The following HEPH variants were observed in gnomAD, a reference collection of about 807,000 sequenced individuals.
HEPH encodes hephaestin.
A neutral mutation model predicts 80.8 loss-of-function variants in HEPH; 69 were observed. That is an observed-to-expected ratio of 0.85 (90% CI 0.70 to 1.04). The LOEUF (loss-of-function observed/expected upper bound fraction) is 1.04. Among genes scored for constraint, HEPH ranks in the 50% least tolerant of loss-of-function variants. HEPH has a pLI of 0.00. For synonymous variants in HEPH, 431 were observed against 322.8 expected, an observed-to-expected ratio of 1.34 and a Z score of -3.60; for missense variants, 1,115 against 891.3, an observed-to-expected ratio of 1.25 and a Z score of -3.20.
intron 15 of HEPH, among the ~76,000 whole-genome samples, chrX:66,251,845 A>T (rs1197286648): frequency 1.8e-5 from 2 of 112,276 alleles, no homozygotes; most frequent in Non-Finnish European, 3.8e-5. Context: ...ATAAAGAATG[A>T]TAAGTAAGAT....
At chrX:66,239,432 CTG>C (rs1418750001) in intron 15 of HEPH, among the ~76,000 whole-genome samples, 3 of 112,241 alleles carry the variant, frequency 2.7e-5, no homozygotes, top group Non-Finnish European at 3.8e-5. Context: ...TCAGTGGCAT[CTG>C]TTCCACCTGG....
intron 6 of HEPH, among the ~76,000 whole-genome samples, chrX:66,191,920 A>T (rs2087812037): frequency 9.0e-6 from 1 of 111,507 alleles, no homozygotes; most frequent in Non-Finnish European, 1.9e-5. Context: ...CAGTGGTGGT[A>T]TAAGCAAGTG....
At chrX:66,224,948 G>A (rs1430918747) in intron 15 of HEPH, among the ~76,000 whole-genome samples, 1 of 107,118 alleles carries the variant, frequency 9.3e-6, no homozygotes, top group Non-Finnish European at 1.9e-5. Context: ...TCTCTCTGCT[G>A]ATCTTTCCTT....
In HEPH at chrX:66,266,430, TCCA is replaced by T. The variant is rs1602595655; in HGVS notation, c.3245-9_3245-7del. 5.0e-5 allele frequency: 59 copies of T among 1,188,768 alleles called. No individual in the cohort carries two copies. Among genetic ancestry groups the T allele is most frequent in the Admixed American group, 2.0e-4 (9 of 45,068 alleles). On this transcript the variant is annotated splice_region_variant and splice_polypyrimidine_tract_variant and intron_variant, in intron 20 of 20. Transcript: ENST00000343002. ...TCCCAGGATGCCCATTTTTTTTTTCTCCATTTCAGCAGTGCCCCCCAGAGACAT... is the reference window on the plus strand; with the variant it reads ...TCCCAGGATGCCCATTTTTTTTTTCTTTTCAGCAGTGCCCCCCAGAGACAT...
At chrX:66,238,071 G>A (rs984374976) in intron 15 of HEPH, among the ~76,000 whole-genome samples, 1 of 111,538 alleles carries the variant, frequency 9.0e-6, no homozygotes, top group Admixed American at 9.5e-5. Flanking sequence ...TCCTTACGCA[G>A]CTTGCCACTT....
At chrX:66,211,675 TC>T (rs1382249084) in intron 15 of HEPH, among the ~76,000 whole-genome samples, 2 of 111,995 alleles carry the variant, frequency 1.8e-5, no homozygotes, top group Non-Finnish European at 3.8e-5. Flanking sequence ...ATGATTTCAT[TC>T]TTTTTTATGG....
At chrX:66,254,701 T>C (rs769078785) in intron 15 of HEPH, among the ~76,000 whole-genome samples, 1 of 109,268 alleles carries the variant, frequency 9.2e-6, no homozygotes, top group South Asian at 4.0e-4. Flanking sequence ...ATTTAGGATA[T>C]AGCAGCTGGA....
rs752387063 is a variant in HEPH at position 66,170,600 on chromosome X, G to A, written c.30G>A (p.Leu10=). Residue 10 remains leucine, a synonymous_variant, in exon 2 of 21, where the codon CTG becomes CTA. Transcript: ENST00000343002. MESGHLLWA[L]LFMQSLWPQL... is the part of the protein sequence containing the mutation. ...AGTCAGGCCACCTCCTCTGGGCTCT[G>A]CTGTTCATGCAGTCCTTGTGGCCTC... 1.7e-6 allele frequency: 2 copies of A among 1,208,704 alleles called. No individual in the cohort carries two copies. Among genetic ancestry groups the A allele is most frequent in the East Asian group, 5.9e-5 (2 of 33,761 alleles).
At chrX:66,214,909 TCTTA>T (rs1456907043) in intron 15 of HEPH, among the ~76,000 whole-genome samples, 4 of 111,473 alleles carry the variant, frequency 3.6e-5, no homozygotes, top group Non-Finnish European at 7.5e-5. Flanking sequence ...TTGAAATTTG[TCTTA>T]CTATTTGAAG....
intron 15 of HEPH, among the ~76,000 whole-genome samples, chrX:66,230,380 A>C (rs1368203241): frequency 3.8e-5 from 4 of 104,001 alleles, no homozygotes; most frequent in African/African-American, 1.1e-4. Context: ...GAACTAGTTT[A>C]CAGTCCCACC....
In HEPH at chrX:66,203,318, C is replaced by T. The variant is rs751551947; in HGVS notation, c.2078-46C>T. ...AAGGCAGGAAATCCCCCAGGCACTA[C>T]CCAGGGATGTTCTGAGTCAGATTTT... On this transcript the variant is annotated intron_variant, in intron 12 of 20. Coordinates refer to ENST00000343002, the MANE Select transcript of HEPH (RefSeq NM_001367233.3). 3.6e-6 allele frequency: 4 copies of T among 1,121,066 alleles called. No homozygotes were observed. The Admixed American group carries it at 6.6e-5, about 19-fold the overall frequency. The allele number at this position is 1,121,066 out of a possible 1,213,427, so 92.4% of individuals were successfully genotyped here.
At chrX:66,240,759 C>A (rs1301687536) in intron 15 of HEPH, among the ~76,000 whole-genome samples, 1 of 111,992 alleles carries the variant, frequency 8.9e-6, no homozygotes, top group Non-Finnish European at 1.9e-5. Flanking sequence ...AAAGAAAACA[C>A]AAACAACATT....
chrX:66,170,827 T>A (rs1034508237), intron 2 of HEPH, 90 bp downstream of exon 2: 1 of 809,759 alleles, frequency 1.2e-6, no homozygotes, highest in African/African-American at 2.1e-5. Context: ...TTTCCCAGGG[T>A]GTGGTAGCAG....
chrX:66,204,727 C>G (rs1387636387), intron 13 of HEPH, among the ~76,000 whole-genome samples: 2 of 111,826 alleles, frequency 1.8e-5, no homozygotes, highest in Non-Finnish European at 3.8e-5. Context: ...TAAAATTTGA[C>G]TTTATGTAGA....
intron 4 of HEPH, among the ~76,000 whole-genome samples, chrX:66,180,797 C>G (rs1217225199): frequency 1.1e-5 from 1 of 88,933 alleles, no homozygotes; most frequent in Non-Finnish European, 2.2e-5. Flanking sequence ...GCTGCACCCA[C>G]TAACGTGTCA....
intron 6 of HEPH, 129 bp from the exon 7 acceptor site, chrX:66,192,001 T>C: frequency 4.8e-6 from 3 of 623,631 alleles, no homozygotes; most frequent in South Asian, 4.1e-5. Context: ...AAGCGGCCCA[T>C]TTTGGAGCAG....
chrX:66,217,898 G>A (rs1016946399), intron 15 of HEPH, among the ~76,000 whole-genome samples: 1 of 111,448 alleles, frequency 9.0e-6, no homozygotes, highest in African/African-American at 3.3e-5. Context: ...TCTTATATCA[G>A]ACAAAACAAA....
chrX:66,249,358 T>G (rs1261659164), intron 15 of HEPH, among the ~76,000 whole-genome samples: 4 of 112,178 alleles, frequency 3.6e-5, no homozygotes, highest in Non-Finnish European at 5.6e-5. Context: ...ATAGGGATTT[T>G]GAATTAATGT....
At chrX:66,246,832 T>C (rs1201546541) in intron 15 of HEPH, among the ~76,000 whole-genome samples, 1 of 112,273 alleles carries the variant, frequency 8.9e-6, no homozygotes, top group Non-Finnish European at 1.9e-5. Flanking sequence ...AGGGCCAGTG[T>C]TTATTAAACT....
Sources: allele counts gnomAD v4.1 joint callset (sites outside exome capture counted in the v4.1 genomes callset), GRCh38; gene constraint gnomAD v4.1.1; transcripts MANE v1.5; gene names NCBI Gene and HGNC (gene_info 2026-07-23, HGNC 2026-07-21).